The following FHIT variants were observed in gnomAD, a reference collection of about 807,000 sequenced individuals.
FHIT encodes bis(5'-adenosyl)-triphosphatase.
Under a neutral mutation model 17.9 loss-of-function variants are expected in FHIT, and 19 were observed. The ratio of observed to expected loss-of-function variants is 1.06; its 90% confidence interval spans 0.74 to 1.56. The LOEUF (loss-of-function observed/expected upper bound fraction) is 1.56, where lower values mean the gene tolerates loss of function less well. Among genes scored for constraint, FHIT ranks in the 40% most tolerant of loss-of-function variants. The pLI, the probability that FHIT is intolerant of heterozygous loss-of-function variation, is 0.00. For synonymous variants in FHIT, 81 were observed against 69.7 expected (o/e 1.16, Z -0.81); for missense variants, 248 against 189.2 (o/e 1.31, Z -1.82).
chr3:60,195,898 G>T (rs1228235722), intron 5 of FHIT, among the ~76,000 whole-genome samples: 4 of 151,622 alleles, frequency 2.6e-5, no homozygotes, highest in African/African-American at 9.7e-5. Flanking sequence ...GGGGCGTGGG[G>T]GATTTTAAAA....
intron 5 of FHIT, among the ~76,000 whole-genome samples, chr3:60,129,911 C>A (rs1452839101): frequency 6.6e-6 from 1 of 152,134 alleles, no homozygotes; most frequent in East Asian, 1.9e-4. Flanking sequence ...TCTCTTCTCA[C>A]CCTTTCCACA....
chr3:60,557,809 G>C (rs1201006880), intron 4 of FHIT, among the ~76,000 whole-genome samples: 1 of 152,022 alleles, frequency 6.6e-6, no homozygotes, highest in East Asian at 1.9e-4. Flanking sequence ...TGCATTTTGA[G>C]TCCAAGTAAA....
intron 2 of FHIT, among the ~76,000 whole-genome samples, chr3:61,107,182 G>T (rs547981319): frequency 1.3e-5 from 2 of 152,052 alleles, no homozygotes; most frequent in Non-Finnish European, 2.9e-5. Flanking sequence ...GCCTCTATGA[G>T]TTTGACTGTT....
chr3:60,642,933 C>T (rs183613772), intron 4 of FHIT, among the ~76,000 whole-genome samples: 1 of 152,276 alleles, frequency 6.6e-6, no homozygotes, highest in Non-Finnish European at 1.5e-5. Context: ...AGGTCAAAGC[C>T]CCTAAGACAT....
At chr3:60,114,172 C>G (rs556724023) in intron 5 of FHIT, among the ~76,000 whole-genome samples, 1 of 148,100 alleles carries the variant, frequency 6.8e-6, no homozygotes, top group South Asian at 2.2e-4. Flanking sequence ...TTACTTAATC[C>G]TCATAATCAG....
In FHIT at chr3:60,732,055, T is replaced by C. The variant is rs570646191; in HGVS notation, c.-18+89864A>G. 9.3e-6 allele frequency: 5 copies of C among 539,600 alleles called. No homozygotes were observed. The East Asian group carries it at 1.7e-4, about 19-fold the overall frequency. The allele number at this position is 539,600 out of a possible 1,614,324, so 33.4% of individuals were successfully genotyped here. On this transcript the variant is annotated intron_variant, in intron 4 of 9. Transcript: ENST00000492590. Reference sequence around the variant, plus strand: ...AATTGCAGCGACAATACAAAGATTCTAGGATACTGCGAGCAAATGGGGTGG... The same window carrying C: ...AATTGCAGCGACAATACAAAGATTCCAGGATACTGCGAGCAAATGGGGTGG...
chr3:60,525,871 C>A (rs2035553954), intron 5 of FHIT, among the ~76,000 whole-genome samples: 1 of 151,992 alleles, frequency 6.6e-6, no homozygotes, highest in Non-Finnish European at 1.5e-5. Context: ...CTTTGGGAGG[C>A]TGAGGTAGAT....
chr3:60,351,792 C>G (rs755308469), intron 5 of FHIT, among the ~76,000 whole-genome samples: 3 of 152,176 alleles, frequency 2.0e-5, no homozygotes, highest in Non-Finnish European at 2.9e-5. Flanking sequence ...ATTCTCTGCT[C>G]ATATCTTATT....
chr3:60,954,141 A>AATAG (rs1365668936), intron 3 of FHIT, among the ~76,000 whole-genome samples: 1 of 152,192 alleles, frequency 6.6e-6, no homozygotes, highest in Non-Finnish European at 1.5e-5. Context: ...CACATTTCAA[A>AATAG]ATAGACTCCA....
At chr3:61,047,384 G>A (rs138243745) in intron 2 of FHIT, among the ~76,000 whole-genome samples, 59 of 152,262 alleles carry the variant, frequency 3.9e-4, no homozygotes, top group Non-Finnish European at 7.1e-4. Flanking sequence ...ATTCTCAATT[G>A]CTTCAAAGAG....
chr3:59,809,129 T>C (rs1325301593), intron 8 of FHIT, among the ~76,000 whole-genome samples: 2 of 152,010 alleles, frequency 1.3e-5, no homozygotes, highest in Middle Eastern at 3.2e-3. Flanking sequence ...GGTTGAAGAG[T>C]GTGCTCTCCA....
chr3:60,614,612 TAATA>T (rs145414679), intron 4 of FHIT, among the ~76,000 whole-genome samples: 18,369 of 151,524 alleles, frequency 0.12, 1,169 homozygotes, highest in Middle Eastern at 0.16. Flanking sequence ...CAAAAAAAAT[TAATA>T]AATAAATAAA....
chr3:59,913,871 CAGGTAT>C (rs1705003860), intron 8 of FHIT, among the ~76,000 whole-genome samples: 1 of 152,136 alleles, frequency 6.6e-6, no homozygotes, highest in Non-Finnish European at 1.5e-5. Flanking sequence ...TAGAGCTACA[CAGGTAT>C]ACCAGCTATT....
intron 4 of FHIT, among the ~76,000 whole-genome samples, chr3:60,787,805 C>A (rs1389136855): frequency 2.0e-5 from 3 of 152,212 alleles, no homozygotes; most frequent in Non-Finnish European, 4.4e-5. Flanking sequence ...CAAAGCTCCA[C>A]CTTCTTGCTC....
At position 60,001,541 on chromosome 3, in the gene FHIT, G is replaced by T. The variant is rs527574228; in HGVS notation, c.279+9830C>A. Among the ~76,000 whole-genome samples, 180 of 152,260 alleles carry T rather than the reference G, an allele frequency of 1.2e-3. 1 individual carries two copies. Among genetic ancestry groups the T allele is most frequent in the African/African-American group, 4.3e-3 (178 of 41,578 alleles). ...AGACTACTTTGGTAGTGAGGAAATC[G>T]AGATCAGAGCGATTCAGAACTGGAA... On this transcript the variant is annotated intron_variant, in intron 7 of 9. Transcript: ENST00000492590.
intron 5 of FHIT, among the ~76,000 whole-genome samples, chr3:60,403,127 T>G (rs1283781279): frequency 6.6e-6 from 1 of 152,190 alleles, no homozygotes; most frequent in African/African-American, 2.4e-5. Context: ...TTACTTCATT[T>G]AAAAGTAAAA....
intron 3 of FHIT, among the ~76,000 whole-genome samples, chr3:60,979,666 T>C (rs58532638): frequency 0.011 from 1,616 of 152,238 alleles, 31 homozygotes; most frequent in African/African-American, 0.036. Context: ...CAGGGCAGCA[T>C]CAGAGCAGGA....
intron 5 of FHIT, among the ~76,000 whole-genome samples, chr3:60,085,550 T>A (rs1478840749): frequency 6.6e-6 from 1 of 152,208 alleles, no homozygotes; most frequent in Non-Finnish European, 1.5e-5. Context: ...ATTTTTTTCC[T>A]CCGGAATGTT....
rs563824025 is a variant in FHIT, at chr3:60,415,598, A to G, written c.103+121262T>C. ...ATTCACAGGTGCTGGACAACCAAGT[A>G]TATGAATCAATAAGAGAATCCCTAA... On this transcript the variant is annotated intron_variant, in intron 5 of 9. Coordinates refer to ENST00000492590, the MANE Select transcript of FHIT (RefSeq NM_002012.4). 2.6e-5 allele frequency among the ~76,000 whole-genome samples: 4 copies of G among 152,280 alleles called. No individual in the cohort carries two copies. In the East Asian group the frequency reaches 7.7e-4, roughly 29 times the overall value.
Sources: gnomAD v4.1 joint callset for allele counts (sites outside exome capture counted in the v4.1 genomes callset) on GRCh38, gnomAD v4.1.1 for gene constraint, MANE v1.5 for transcripts, NCBI Gene and HGNC (gene_info 2026-07-23, HGNC 2026-07-21) for gene names.